Variants in COMMD10 observed in about 807,000 individuals in gnomAD.
COMMD10 encodes COMM domain containing 10.
Under a neutral mutation model 28.9 loss-of-function variants are expected in COMMD10, and 33 were observed. The ratio of observed to expected loss-of-function variants is 1.14; its 90% CI spans 0.87 to 1.53. The LOEUF (loss-of-function observed/expected upper bound fraction) is 1.53. Among genes scored for constraint, COMMD10 ranks in the 40% most tolerant of loss-of-function variants. The pLI, the probability that COMMD10 is intolerant of heterozygous loss-of-function variation, is 0.00. For synonymous variants in COMMD10, 110 were observed against 81.7 expected (o/e 1.35, Z -1.87); for missense variants, 310 against 233.4 (o/e 1.33, Z -2.14).
chr5:116,134,565 G>T (rs890726019), intron 5 of COMMD10, among the ~76,000 whole-genome samples: 1 of 152,156 alleles, frequency 6.6e-6, no homozygotes, highest in African/African-American at 2.4e-5. Flanking sequence ...TTGTGTTTTT[G>T]TGTGTGTAGT....
rs10077356 is a variant in COMMD10 at position 116,236,023 on chromosome 5, G to A, written c.511-55494G>A. ...ACACTCTTTTATATGTTTTATTTGC[G>A]GCATTATGTTACTTAGAAATAAGAA... On this transcript the variant is annotated intron_variant, in intron 5 of 6. Transcript: ENST00000274458. 7.2e-5 allele frequency among the ~76,000 whole-genome samples: 11 copies of A among 151,858 alleles called. No homozygotes were observed. In the East Asian group the frequency reaches 1.4e-3, roughly 19 times the overall value.
At chr5:116,256,663 C>T (rs1750293751) in intron 5 of COMMD10, among the ~76,000 whole-genome samples, 1 of 151,732 alleles carries the variant, frequency 6.6e-6, no homozygotes, top group African/African-American at 2.4e-5. Context: ...TGTTTTCATA[C>T]ACGTAATGAG....
chr5:116,247,049 G>A (rs1749970772), intron 5 of COMMD10, among the ~76,000 whole-genome samples: 1 of 151,308 alleles, frequency 6.6e-6, no homozygotes. Flanking sequence ...TAAAGAATGG[G>A]AGAAAATCTT....
intron 4 of COMMD10, among the ~76,000 whole-genome samples, chr5:116,092,981 A>G (rs546745424): frequency 5.3e-5 from 8 of 152,298 alleles, no homozygotes; most frequent in Non-Finnish European, 1.2e-4. Context: ...GCCCAGCATC[A>G]TGAGAGAATA....
At chr5:116,202,505 G>A (rs1003703559) in intron 5 of COMMD10, among the ~76,000 whole-genome samples, 2 of 150,776 alleles carry the variant, frequency 1.3e-5, no homozygotes, top group African/African-American at 2.4e-5. Flanking sequence ...CCCACCAACA[G>A]TGTAAAAGTG....
intron 5 of COMMD10, among the ~76,000 whole-genome samples, chr5:116,250,169 G>T (rs1750068001): frequency 7.0e-6 from 1 of 141,854 alleles, no homozygotes; most frequent in Admixed American, 6.9e-5. Flanking sequence ...CAATCGCTGT[G>T]ATACCTGGAA....
chr5:116,162,536 C>G (rs1370721683), intron 5 of COMMD10, among the ~76,000 whole-genome samples: 2 of 152,160 alleles, frequency 1.3e-5, no homozygotes, highest in Non-Finnish European at 2.9e-5. Flanking sequence ...CATAGTAGCA[C>G]ATATAGATAA....
chr5:116,290,349 A>G (rs1455603225), intron 5 of COMMD10, among the ~76,000 whole-genome samples: 2 of 149,308 alleles, frequency 1.3e-5, no homozygotes, highest in African/African-American at 5.1e-5. Context: ...AAGCAGATGT[A>G]CTTCTTTTTT....
chr5:116,154,198 C>T (rs1752631013), intron 5 of COMMD10, among the ~76,000 whole-genome samples: 4 of 151,988 alleles, frequency 2.6e-5, no homozygotes, highest in Admixed American at 2.0e-4. Context: ...GTGAGTTAGG[C>T]TTGGGAAGCA....
chr5:116,137,987 A>G (rs955645750), intron 5 of COMMD10, among the ~76,000 whole-genome samples: 1 of 151,930 alleles, frequency 6.6e-6, no homozygotes, highest in Non-Finnish European at 1.5e-5. Flanking sequence ...AGGGGGCAGT[A>G]GAGTGCTTTG....
At chr5:116,245,429 G>T (rs1749916126) in intron 5 of COMMD10, among the ~76,000 whole-genome samples, 1 of 152,074 alleles carries the variant, frequency 6.6e-6, no homozygotes, top group South Asian at 2.1e-4. Flanking sequence ...AGAAGAGCTG[G>T]TACCATTTCT....
chr5:116,241,581 T>TATTTATTTA (rs1454580073), intron 5 of COMMD10, among the ~76,000 whole-genome samples: 2 of 138,944 alleles, frequency 1.4e-5, no homozygotes, highest in African/African-American at 2.7e-5. Flanking sequence ...ACACTCTGCT[T>TATTTATTTA]TCTTATTTAT....
At chr5:116,148,591 G>T (rs568414596) in intron 5 of COMMD10, among the ~76,000 whole-genome samples, 50 of 151,766 alleles carry the variant, frequency 3.3e-4, no homozygotes, top group African/African-American at 1.2e-3. Context: ...GCAAAGGCTG[G>T]TGGAATTTTC....
chr5:116,096,009 G>A (rs903034053), intron 4 of COMMD10, among the ~76,000 whole-genome samples: 1 of 151,984 alleles, frequency 6.6e-6, no homozygotes, highest in African/African-American at 2.4e-5. Flanking sequence ...AATTATTATA[G>A]CTTAATAGTA....
rs554579389 is a variant in COMMD10, at chr5:116,284,641, A to G, written c.511-6876A>G. 3.3e-5 allele frequency among the ~76,000 whole-genome samples: 5 copies of G among 152,064 alleles called. No homozygotes were observed. The South Asian group carries it at 1.0e-3, about 31-fold the overall frequency. The stretch of plus-strand genomic sequence containing the variant: ...ATATATACATTGTCAGATTCAGCCT[A>G]TGAAACTACTTTAACCAGGAGTTTC... On this transcript the variant is annotated intron_variant, in intron 5 of 6. Coordinates refer to ENST00000274458, the MANE Select transcript of COMMD10 (RefSeq NM_016144.4).
chr5:116,193,725 G>A (rs1748433091), intron 5 of COMMD10, among the ~76,000 whole-genome samples: 2 of 151,980 alleles, frequency 1.3e-5, no homozygotes, highest in South Asian at 4.1e-4. Flanking sequence ...TAATAGTGGA[G>A]GACTTCAGTA....
intron 4 of COMMD10, among the ~76,000 whole-genome samples, chr5:116,128,952 A>G (rs999423204): frequency 2.0e-5 from 3 of 151,802 alleles, no homozygotes; most frequent in African/African-American, 7.3e-5. Context: ...CCACTTTTTG[A>G]TAATGTTAAT....
Position 116,268,820 on chromosome 5 carries a change from C to A in COMMD10, c.511-22697C>A, listed in dbSNP as rs190235065. On this transcript the variant is annotated intron_variant, in intron 5 of 6. Transcript: ENST00000274458. ...TACGGACATGGATGAAGCTGGAAAC[C>A]ATCATTCTCAGGAAACTATTGCAAG... 3.1e-3 allele frequency among the ~76,000 whole-genome samples: 472 copies of A among 151,670 alleles called. 6 individuals carry two copies. The highest frequency in any genetic ancestry group is 0.011 in the African/African-American group (452 of 41,094).
At chr5:116,123,308 C>A (rs1447119729) in intron 4 of COMMD10, among the ~76,000 whole-genome samples, 3 of 152,072 alleles carry the variant, frequency 2.0e-5, no homozygotes, top group Non-Finnish European at 4.4e-5. Context: ...AAGGCCTTTC[C>A]TGCATCTACT....
Sources: allele counts gnomAD v4.1 joint callset (sites outside exome capture counted in the v4.1 genomes callset), GRCh38; gene constraint gnomAD v4.1.1; transcripts MANE v1.5; gene names NCBI Gene and HGNC (gene_info 2026-07-23, HGNC 2026-07-21).